The following STXBP5L variants were observed in gnomAD, a reference collection of about 807,000 sequenced individuals.
STXBP5L encodes the protein syntaxin-binding protein 5-like.
Under a neutral mutation model 144.5 loss-of-function variants are expected in STXBP5L, and 65 were observed. The ratio of observed to expected loss-of-function variants is 0.45; its 90% CI spans 0.37 to 0.55. The LOEUF (loss-of-function observed/expected upper bound fraction) is 0.55. Ranked by LOEUF, STXBP5L falls within the 20% of genes least tolerant of loss-of-function variation. The pLI, the probability that STXBP5L is intolerant of heterozygous loss-of-function variation, is 0.00. For synonymous variants in STXBP5L, 505 were observed against 469.6 expected (o/e 1.08, Z -0.97); for missense variants, 1,298 against 1,405.5 (o/e 0.92, Z 1.22).
At chr3:121,365,322 T>C (rs1311484263) in intron 20 of STXBP5L, among the ~76,000 whole-genome samples, 1 of 151,892 alleles carries the variant, frequency 6.6e-6, no homozygotes, top group Non-Finnish European at 1.5e-5. Flanking sequence ...TGAAAAAGTT[T>C]ACAAGGACTG....
rs980471876 is a variant in STXBP5L, at chr3:120,966,689, G to A, written c.287+11652G>A. 5.3e-5 allele frequency among the ~76,000 whole-genome samples: 8 copies of A among 152,222 alleles called. No homozygotes were observed. In the South Asian group the frequency reaches 1.0e-3, roughly 20 times the overall value. On this transcript the variant is annotated intron_variant, in intron 3 of 26. Transcript: ENST00000471454. ...CCTCTGGAAGCTTCATCCCAGAGTGGCAGCTGTCTATATGAGGTGTTGGCC... is the reference window on the plus strand; with the variant it reads ...CCTCTGGAAGCTTCATCCCAGAGTGACAGCTGTCTATATGAGGTGTTGGCC...
chr3:121,157,886 G>T, intron 9 of STXBP5L: 1 of 379,990 alleles, frequency 2.6e-6, no homozygotes, highest in East Asian at 6.5e-5. Flanking sequence ...ATAATGGATG[G>T]TTGATATATC....
chr3:121,214,469 A>C (rs148655899), intron 10 of STXBP5L, among the ~76,000 whole-genome samples: 9 of 152,236 alleles, frequency 5.9e-5, no homozygotes, highest in African/African-American at 2.2e-4. Flanking sequence ...TTATTTACCC[A>C]GTTGTCATTC....
At chr3:121,014,750 A>G (rs1300066886) in intron 3 of STXBP5L, among the ~76,000 whole-genome samples, 2 of 151,740 alleles carry the variant, frequency 1.3e-5, no homozygotes, top group African/African-American at 4.8e-5. Context: ...ACTTATCTGT[A>G]TTTGCAGATC....
intron 20 of STXBP5L, among the ~76,000 whole-genome samples, chr3:121,348,482 A>G (rs1377381981): frequency 6.6e-5 from 10 of 152,258 alleles, no homozygotes; most frequent in African/African-American, 2.4e-4. Context: ...AAAATGAGTT[A>G]GGGAGGATCC....
rs547560966 is a variant in STXBP5L at position 121,255,316 on chromosome 3, T to A, written c.1659+204T>A. On this transcript the variant is annotated intron_variant, in intron 16 of 26. Coordinates refer to ENST00000471454, the MANE Select transcript of STXBP5L (RefSeq NM_001308330.2). ...CCTAAAAGGCCAAAACAATTCTCTATCAAAACTTGGTATTTTTTTCAATGT... is the reference window on the plus strand; with the variant it reads ...CCTAAAAGGCCAAAACAATTCTCTAACAAAACTTGGTATTTTTTTCAATGT... Among the ~76,000 whole-genome samples, 7 of 152,188 alleles carry A rather than the reference T, an allele frequency of 4.6e-5. No individual in the cohort carries two copies. In the East Asian group the frequency reaches 1.3e-3, roughly 29 times the overall value.
intron 22 of STXBP5L, among the ~76,000 whole-genome samples, chr3:121,389,056 C>G (rs1401546342): frequency 6.6e-6 from 1 of 152,152 alleles, no homozygotes; most frequent in Non-Finnish European, 1.5e-5. Flanking sequence ...TAATTATTGC[C>G]TCAATCTCAG....
At position 120,990,876 on chromosome 3, in the gene STXBP5L, C is replaced by G. The variant is rs537992454; in HGVS notation, c.287+35839C>G. On this transcript the variant is annotated intron_variant, in intron 3 of 26. Transcript: ENST00000471454. ...ATGTTAGACCTAAAACCATAAAAAC[C>G]CTAGAAGAAAACCTAGGCAATACCA... 6.0e-3 allele frequency among the ~76,000 whole-genome samples: 906 copies of G among 152,136 alleles called. 8 individuals are homozygous for G. Among genetic ancestry groups the G allele is most frequent in the African/African-American group, 0.02 (835 of 41,514 alleles).
At chr3:121,175,043 C>T (rs1168803160) in intron 9 of STXBP5L, among the ~76,000 whole-genome samples, 2 of 151,966 alleles carry the variant, frequency 1.3e-5, no homozygotes, top group Non-Finnish European at 2.9e-5. Flanking sequence ...GAAGTTTATC[C>T]TGCAAAGAAA....
intron 20 of STXBP5L, among the ~76,000 whole-genome samples, chr3:121,371,398 G>C (rs1053479655): frequency 2.0e-5 from 3 of 152,232 alleles, no homozygotes; most frequent in African/African-American, 2.4e-5. Flanking sequence ...AGGGGCCAGA[G>C]TGTCCTGGCC....
intron 9 of STXBP5L, among the ~76,000 whole-genome samples, chr3:121,179,298 G>A (rs1339435121): frequency 6.6e-6 from 1 of 151,588 alleles, no homozygotes; most frequent in African/African-American, 2.4e-5. Flanking sequence ...AGTGCACAGA[G>A]ACTTTATAAC....
rs551313757 is a variant in STXBP5L, at chr3:121,340,888, T to C, written c.2176+22348T>C. On this transcript the variant is annotated intron_variant, in intron 20 of 26. Transcript: ENST00000471454. Reference sequence around the variant, plus strand: ...AGTTAAAGTGTAGAGTTTTTATTAGTTTTCTCTTTGCTAGCTTGTTTATGC... The same window carrying C: ...AGTTAAAGTGTAGAGTTTTTATTAGCTTTCTCTTTGCTAGCTTGTTTATGC... Among the ~76,000 whole-genome samples, 4 of 152,284 alleles carry C rather than the reference T, an allele frequency of 2.6e-5. No individual in the cohort carries two copies. The East Asian group carries it at 5.8e-4, about 22-fold the overall frequency.
chr3:121,243,707 GA>G (rs1394301198), intron 14 of STXBP5L, among the ~76,000 whole-genome samples: 1 of 151,978 alleles, frequency 6.6e-6, no homozygotes, highest in Non-Finnish European at 1.5e-5. Flanking sequence ...ATTGACTTTG[GA>G]AATAAAAGAC....
At chr3:121,006,374 T>C (rs987291246) in intron 3 of STXBP5L, among the ~76,000 whole-genome samples, 23 of 151,610 alleles carry the variant, frequency 1.5e-4, no homozygotes, top group Admixed American at 1.1e-3. Context: ...AGGATTGCAA[T>C]CCCTGCCTTT....
At chr3:121,054,474 C>G (rs962994734) in intron 5 of STXBP5L, among the ~76,000 whole-genome samples, 19 of 151,422 alleles carry the variant, frequency 1.3e-4, no homozygotes, top group South Asian at 4.2e-4. Flanking sequence ...ATCATCTCAG[C>G]AAACTATCAC....
At chr3:121,057,649 T>G (rs552933590) in intron 5 of STXBP5L, among the ~76,000 whole-genome samples, 45 of 152,186 alleles carry the variant, frequency 3.0e-4, no homozygotes, top group South Asian at 2.5e-3. Context: ...GGCATTTAGC[T>G]GTAGTTTATT....
At chr3:121,055,302 C>T (rs906059894) in intron 5 of STXBP5L, among the ~76,000 whole-genome samples, 1 of 152,072 alleles carries the variant, frequency 6.6e-6, no homozygotes, top group Non-Finnish European at 1.5e-5. Context: ...TTGGGACATT[C>T]TCCAAAACAT....
At chr3:121,007,939 A>G (rs186600821) in intron 3 of STXBP5L, among the ~76,000 whole-genome samples, 12 of 152,174 alleles carry the variant, frequency 7.9e-5, no homozygotes, top group Non-Finnish European at 1.6e-4. Flanking sequence ...AAAAAAATTT[A>G]TAATGGGAGA....
rs2045390613 is a variant in STXBP5L, at chr3:121,139,248, AAC to A, written c.670-13225_670-13224del. 2.0e-5 allele frequency among the ~76,000 whole-genome samples: 3 copies of A among 152,114 alleles called. No individual in the cohort carries two copies. In the South Asian group the frequency reaches 6.2e-4, roughly 31 times the overall value. On this transcript the variant is annotated intron_variant, in intron 7 of 26. Transcript: ENST00000471454. ...GAAGGAGAAGATTTTGAATGTTCAT[AAC>A]ACAAATAAATGATGAATATTTAAGG...
Sources: allele counts gnomAD v4.1 joint callset (sites outside exome capture counted in the v4.1 genomes callset), GRCh38; gene constraint gnomAD v4.1.1; transcripts MANE v1.5; gene names NCBI Gene and HGNC (gene_info 2026-07-23, HGNC 2026-07-21).